FBXO4: variants seen among roughly 807,000 people sequenced by gnomAD.
FBXO4 encodes F-box only protein 4.
A neutral mutation model predicts 43.7 loss-of-function variants in FBXO4; 36 were observed. The ratio of observed to expected loss-of-function variants is 0.82; its 90% CI spans 0.63 to 1.09. The LOEUF is 1.09. FBXO4 is among the 50% of genes least tolerant of loss of function. The pLI, the probability that FBXO4 is intolerant of heterozygous loss-of-function variation, is 0.00. For missense variants in FBXO4, 435 were observed against 474.1 expected, an observed-to-expected ratio of 0.92 and a Z score of 0.77; for synonymous variants, 180 against 165.6, an observed-to-expected ratio of 1.09 and a Z score of -0.67.
the FBXO4 span, among the ~76,000 whole-genome samples, chr5:42,039,713 A>G: frequency 2.0e-5 from 3 of 152,112 alleles, no homozygotes; most frequent in African/African-American, 7.2e-5. Context: ...TACTTCCGTG[A>G]TAATGTTACC....
chr5:41,967,711 A>G, the FBXO4 span: 1 of 627,708 alleles, frequency 1.6e-6, no homozygotes. Flanking sequence ...CCCTACATTA[A>G]TTACATGAAA....
chr5:41,972,364 A>G, the FBXO4 span, among the ~76,000 whole-genome samples: 1 of 152,148 alleles, frequency 6.6e-6, no homozygotes, highest in South Asian at 2.1e-4. Flanking sequence ...CAAAATAGAT[A>G]AAGTACCTAG....
chr5:42,004,914 T>G, the FBXO4 span, among the ~76,000 whole-genome samples: 1 of 152,138 alleles, frequency 6.6e-6, no homozygotes, highest in Non-Finnish European at 1.5e-5. Context: ...CTCTTCATCT[T>G]ATAGATGTGG....
chr5:41,984,379 G>A, the FBXO4 span, among the ~76,000 whole-genome samples: 2 of 152,126 alleles, frequency 1.3e-5, no homozygotes, highest in Admixed American at 6.6e-5. Context: ...TAACTCTCTA[G>A]AGCTCAAAAA....
the FBXO4 span, among the ~76,000 whole-genome samples, chr5:42,006,934 A>G: frequency 1.4e-5 from 2 of 139,952 alleles, no homozygotes; most frequent in Non-Finnish European, 3.1e-5. Flanking sequence ...ACACACACAT[A>G]CATACATATA....
At chr5:42,038,898 C>T in the FBXO4 span, among the ~76,000 whole-genome samples, 26 of 152,136 alleles carry the variant, frequency 1.7e-4, no homozygotes, top group Middle Eastern at 6.8e-3. Flanking sequence ...TTTCACTTAA[C>T]GTGATGTCTT....
intron 3 of FBXO4, among the ~76,000 whole-genome samples, chr5:41,930,846 C>T (rs1751666793): frequency 6.6e-6 from 1 of 151,920 alleles, no homozygotes; most frequent in South Asian, 2.1e-4. Flanking sequence ...TTAGTAGAGA[C>T]GGGGTTTCAC....
chr5:41,990,848 G>A, the FBXO4 span, among the ~76,000 whole-genome samples: 1 of 152,130 alleles, frequency 6.6e-6, no homozygotes, highest in Non-Finnish European at 1.5e-5. Context: ...GACCTTTTAT[G>A]GAAGAAGTTC....
intron 5 of FBXO4, 64 bp from the exon 6 acceptor site, chr5:41,939,372 TTTTTA>T (rs1751936710): frequency 2.1e-6 from 3 of 1,409,040 alleles, no homozygotes; most frequent in Non-Finnish European, 2.9e-6. Context: ...CTTTGTTAGT[TTTTTA>T]TTTTATTATT....
chr5:41,930,056 C>G (rs1751635385), intron 3 of FBXO4, 139 bp downstream of exon 3: 4 of 639,092 alleles, frequency 6.3e-6, no homozygotes, highest in Non-Finnish European at 1.0e-5. Flanking sequence ...CTACCAGGTT[C>G]CACTGAACTG....
chr5:41,946,982 C>G, the FBXO4 span, among the ~76,000 whole-genome samples: 1 of 152,152 alleles, frequency 6.6e-6, no homozygotes, highest in East Asian at 1.9e-4. Context: ...TCACAAGTTT[C>G]CAAATAAAGG....
At chr5:42,025,167 C>A in the FBXO4 span, among the ~76,000 whole-genome samples, 1 of 151,886 alleles carries the variant, frequency 6.6e-6, no homozygotes, top group East Asian at 1.9e-4. Flanking sequence ...ATTTACATTC[C>A]TGCTAATAGT....
At chr5:42,022,026 A>G in the FBXO4 span, among the ~76,000 whole-genome samples, 1 of 152,138 alleles carries the variant, frequency 6.6e-6, no homozygotes, top group Non-Finnish European at 1.5e-5. Context: ...GTCTGGGTTA[A>G]TTTTGGAAAC....
chr5:41,969,725 A>C, the FBXO4 span, among the ~76,000 whole-genome samples: 7 of 152,132 alleles, frequency 4.6e-5, no homozygotes, highest in Non-Finnish European at 8.8e-5. Context: ...CTGGTGAAGC[A>C]CCTCTTGGAT....
At chr5:41,939,327 T>G (rs1751935376) in intron 5 of FBXO4, 114 bp from the exon 6 acceptor site, 1 of 918,090 alleles carries the variant, frequency 1.1e-6, no homozygotes, top group Non-Finnish European at 1.6e-6. Flanking sequence ...TTCCCTCAGT[T>G]TATGTTTGGA....
chr5:41,977,675 G>A, the FBXO4 span, among the ~76,000 whole-genome samples: 1 of 152,134 alleles, frequency 6.6e-6, no homozygotes, highest in Non-Finnish European at 1.5e-5. Context: ...CTGACCTCAG[G>A]TGATCTGCCT....
At chr5:41,991,046 G>C in the FBXO4 span, among the ~76,000 whole-genome samples, 1 of 152,038 alleles carries the variant, frequency 6.6e-6, no homozygotes, top group Admixed American at 6.6e-5. Flanking sequence ...AGAATGTCAG[G>C]GTCTGCCTCA....
At chr5:42,030,567 A>G in the FBXO4 span, among the ~76,000 whole-genome samples, 1 of 151,944 alleles carries the variant, frequency 6.6e-6, no homozygotes, top group Non-Finnish European at 1.5e-5. Context: ...CATGTCTAAA[A>G]CACCAAAAGC....
chr5:41,963,401 G>C, the FBXO4 span, among the ~76,000 whole-genome samples: 215 of 152,040 alleles, frequency 1.4e-3, no homozygotes, highest in African/African-American at 5.1e-3. Flanking sequence ...TGTAAATAAT[G>C]GTGGTGATTA....
Sources: gnomAD v4.1 joint callset for allele counts (sites outside exome capture counted in the v4.1 genomes callset) on GRCh38, gnomAD v4.1.1 for gene constraint, MANE v1.5 for transcripts, NCBI Gene and HGNC (gene_info 2026-07-23, HGNC 2026-07-21) for gene names.